The following MAST4 variants were observed in gnomAD, a reference collection of about 807,000 sequenced individuals.
MAST4 encodes microtubule associated serine/threonine kinase family member 4, also known as microtubule-associated serine/threonine-protein kinase 4.
In MAST4, 89 loss-of-function variants were observed where a neutral mutation model predicts 162.7. That is an observed-to-expected ratio of 0.55 (90% CI 0.46 to 0.65). MAST4 has a LOEUF of 0.65. Among genes scored for constraint, MAST4 ranks in the 30% least tolerant of loss-of-function variants. The probability of loss-of-function intolerance (pLI) is 0.00; values close to 1 mark genes in which losing one functional copy is unlikely to be tolerated. For synonymous variants in MAST4, 1,479 were observed against 1,361.1 expected, an observed-to-expected ratio of 1.09 and a Z score of -1.91; for missense variants, 3,153 against 3,374.0, an observed-to-expected ratio of 0.93 and a Z score of 1.62.
intron 4 of MAST4, among the ~76,000 whole-genome samples, chr5:66,953,198 T>C (rs1476704668): frequency 6.6e-6 from 1 of 152,174 alleles, no homozygotes; most frequent in Non-Finnish European, 1.5e-5. Flanking sequence ...TAATTGAACA[T>C]TCAGGGAACA....
At chr5:66,926,487 C>T (rs965413223) in intron 4 of MAST4, among the ~76,000 whole-genome samples, 1 of 152,156 alleles carries the variant, frequency 6.6e-6, no homozygotes, top group East Asian at 1.9e-4. Context: ...GCAGAGGTTG[C>T]AGTTAGCTGA....
intron 4 of MAST4, among the ~76,000 whole-genome samples, chr5:67,039,434 ACT>A (rs1211481078): frequency 6.6e-6 from 1 of 151,982 alleles, no homozygotes; most frequent in African/African-American, 2.4e-5. Flanking sequence ...GTGAACAGGA[ACT>A]CTCTGAGTCA....
At chr5:66,836,602 AC>A (rs1757984442) in intron 3 of MAST4, among the ~76,000 whole-genome samples, 1 of 152,212 alleles carries the variant, frequency 6.6e-6, no homozygotes, top group Non-Finnish European at 1.5e-5. Context: ...AATATGGAAT[AC>A]TGCACAGCTG....
At chr5:66,598,549 G>A (rs1742349505) in intron 1 of MAST4, among the ~76,000 whole-genome samples, 1 of 152,138 alleles carries the variant, frequency 6.6e-6, no homozygotes, top group Admixed American at 6.5e-5. Flanking sequence ...ACCCTGTACT[G>A]CCCCAGCCTT....
intron 4 of MAST4, among the ~76,000 whole-genome samples, chr5:66,925,313 GT>G (rs1414405660): frequency 6.6e-6 from 1 of 152,142 alleles, no homozygotes; most frequent in Non-Finnish European, 1.5e-5. Context: ...CATTTCCTCA[GT>G]TTCAGTAATT....
intron 1 of MAST4, among the ~76,000 whole-genome samples, chr5:66,618,778 G>A (rs918897207): frequency 8.5e-5 from 13 of 152,056 alleles, no homozygotes; most frequent in African/African-American, 2.4e-4. Flanking sequence ...TCTGAGAATC[G>A]CTAGTGCACT....
At chr5:66,963,729 C>G in intron 4 of MAST4, 1 of 779,816 alleles carries the variant, frequency 1.3e-6, no homozygotes, top group Non-Finnish European at 2.4e-6. Flanking sequence ...GAGCCTGAGT[C>G]CAACCCCATC....
At chr5:66,845,085 T>TTATATTTATA (rs1554058454) in intron 3 of MAST4, among the ~76,000 whole-genome samples, 7 of 57,972 alleles carry the variant, frequency 1.2e-4, no homozygotes, top group African/African-American at 4.2e-4. Flanking sequence ...TCACTAATCT[T>TTATATTTATA]TATATATATA....
chr5:66,684,534 T>A (rs570766997), intron 1 of MAST4, among the ~76,000 whole-genome samples: 1 of 152,350 alleles, frequency 6.6e-6, no homozygotes, highest in South Asian at 2.1e-4. Context: ...TATGTATATA[T>A]GCATTGTGAA....
chr5:67,073,553 A>AT (rs1761225583), intron 5 of MAST4, among the ~76,000 whole-genome samples: 1 of 152,196 alleles, frequency 6.6e-6, no homozygotes, highest in South Asian at 2.1e-4. Context: ...ACTTGATGTA[A>AT]TGACCCCAAG....
rs556739698 is a variant in MAST4 at position 66,596,401 on chromosome 5, G to T, written c.-255G>T. The T allele has an allele frequency of 2.2e-4, 85 of 386,148 alleles. No individual in the cohort carries two copies. Among genetic ancestry groups the T allele is most frequent in the African/African-American group, 1.5e-3 (72 of 48,298 alleles). 23.9% of individuals were successfully genotyped at this position (386,148 alleles called of 1,614,324 possible). A position where few individuals can be genotyped will look rare whatever the true frequency, so the allele number is the denominator to read the frequency against. ...GGGTGCAGCGCGGGAGCACAGTGGA[G>T]CGCAGATCGCGGACCCGAGCGGGCA... On this transcript the variant is annotated 5_prime_UTR_variant, in exon 1 of 29. Coordinates refer to ENST00000403625, the MANE Select transcript of MAST4 (RefSeq NM_001164664.2).
At chr5:67,141,271 C>A (rs2151031036) in intron 19 of MAST4, among the ~76,000 whole-genome samples, 1 of 152,284 alleles carries the variant, frequency 6.6e-6, no homozygotes, top group Non-Finnish European at 1.5e-5. Flanking sequence ...AGAAATCTCT[C>A]TTCTTAGAGT....
intron 3 of MAST4, among the ~76,000 whole-genome samples, chr5:66,855,609 G>T (rs1759623556): frequency 6.6e-6 from 1 of 152,190 alleles, no homozygotes; most frequent in Admixed American, 6.5e-5. Context: ...AGCAATGCCA[G>T]TGTAAGGGTG....
At chr5:67,128,089 A>G (rs1195422483) in intron 14 of MAST4, among the ~76,000 whole-genome samples, 1 of 152,204 alleles carries the variant, frequency 6.6e-6, no homozygotes, top group Admixed American at 6.5e-5. Context: ...ACCCACATTA[A>G]ATCAACAGGA....
At chr5:67,046,969 A>G (rs1162116880) in intron 4 of MAST4, among the ~76,000 whole-genome samples, 1 of 152,234 alleles carries the variant, frequency 6.6e-6, no homozygotes, top group African/African-American at 2.4e-5. Flanking sequence ...TTACATTGAT[A>G]CAAATATGGA....
chr5:67,069,287 G>GATATATATATATATATATATATATAT lies in MAST4; in HGVS notation c.763+14820_763+14821insTATATATATATATATATATATATATA, dbSNP rs6149054. ...CCTTTTCTGTTAAAGGAGGAGATTGGATATATATATATATATATATATATA... is the reference window on the plus strand; with the variant it reads ...CCTTTTCTGTTAAAGGAGGAGATTGGATATATATATATATATATATATATATATATATATATATATATATATATATA... On this transcript the variant is annotated intron_variant, in intron 5 of 28. Transcript: ENST00000403625. 2.0e-3 allele frequency among the ~76,000 whole-genome samples: 213 copies of GATATATATATATATATATATATATAT among 107,522 alleles called. 7 individuals carry two copies. Among genetic ancestry groups the GATATATATATATATATATATATATAT allele is most frequent in the African/African-American group, 7.7e-3 (188 of 24,384 alleles). The allele number at this position is 107,522 out of a possible 152,430, so 70.5% of individuals were successfully genotyped here.
chr5:66,682,840 G>A (rs944770824), intron 1 of MAST4, among the ~76,000 whole-genome samples: 8 of 152,306 alleles, frequency 5.3e-5, no homozygotes, highest in Admixed American at 2.0e-4. Context: ...TGAGTAGCTG[G>A]GACTACAGGC....
intron 4 of MAST4, among the ~76,000 whole-genome samples, chr5:66,965,439 G>T (rs1405684114): frequency 3.3e-5 from 5 of 151,762 alleles, no homozygotes; most frequent in African/African-American, 7.3e-5. Context: ...TAGTAGAAGA[G>T]AAAAGAAAAT....
intron 1 of MAST4, among the ~76,000 whole-genome samples, chr5:66,705,280 A>G (rs983066497): frequency 6.6e-6 from 1 of 152,084 alleles, no homozygotes; most frequent in African/African-American, 2.4e-5. Flanking sequence ...TCTATTTTTA[A>G]TGGGTATAGC....
Sources: allele counts gnomAD v4.1 joint callset (sites outside exome capture counted in the v4.1 genomes callset), GRCh38; gene constraint gnomAD v4.1.1; transcripts MANE v1.5; gene names NCBI Gene and HGNC (gene_info 2026-07-23, HGNC 2026-07-21).